TRPC6: variants seen among roughly 807,000 people sequenced by gnomAD.
TRPC6 encodes the protein transient receptor potential cation channel subfamily C member 6.
Under a neutral mutation model 90.7 loss-of-function variants are expected in TRPC6, and 55 were observed. The ratio of observed to expected loss-of-function variants is 0.61; its 90% CI spans 0.49 to 0.76. TRPC6 has a LOEUF of 0.76. TRPC6 is among the 30% of genes least tolerant of loss of function. The probability of loss-of-function intolerance (pLI) is 0.00; values close to 1 mark genes in which losing one functional copy is unlikely to be tolerated. For synonymous variants in TRPC6, 393 were observed against 393.0 expected (o/e 1.00, Z 0.00); for missense variants, 989 against 1,122.7 (o/e 0.88, Z 1.70).
At chr11:101,515,715 C>G (rs1306845631) in intron 1 of TRPC6, among the ~76,000 whole-genome samples, 1 of 152,076 alleles carries the variant, frequency 6.6e-6, no homozygotes, top group Non-Finnish European at 1.5e-5. Context: ...ATGTACTTAT[C>G]CACCCTAAGT....
chr11:101,454,264 G>A (rs1206750029), intron 11 of TRPC6, among the ~76,000 whole-genome samples: 1 of 152,104 alleles, frequency 6.6e-6, no homozygotes, highest in Non-Finnish European at 1.5e-5. Flanking sequence ...AAAAGAAGGA[G>A]TCTTAGTGGG....
At chr11:101,550,350 C>G (rs1156693140) in intron 1 of TRPC6, among the ~76,000 whole-genome samples, 2 of 151,414 alleles carry the variant, frequency 1.3e-5, no homozygotes, top group Non-Finnish European at 3.0e-5. Flanking sequence ...AGGATATAAG[C>G]TATGGATGTA....
intron 1 of TRPC6, among the ~76,000 whole-genome samples, chr11:101,556,568 TA>T (rs1424031437): frequency 6.6e-6 from 1 of 152,146 alleles, no homozygotes; most frequent in African/African-American, 2.4e-5. Flanking sequence ...AACCAATAAT[TA>T]AAAGTCTTTC....
At chr11:101,546,359 ACCG>A (rs1861307825) in intron 1 of TRPC6, among the ~76,000 whole-genome samples, 1 of 65,608 alleles carries the variant, frequency 1.5e-5, no homozygotes, top group Non-Finnish European at 3.2e-5. Context: ...GGCGTGAGCC[ACCG>A]CACCCGGCCT....
intron 1 of TRPC6, among the ~76,000 whole-genome samples, chr11:101,576,387 TGGA>T (rs1347327526): frequency 6.6e-6 from 1 of 152,166 alleles, no homozygotes; most frequent in African/African-American, 2.4e-5. Flanking sequence ...CTGAATTAGG[TGGA>T]GAACAGTTAT....
chr11:101,552,217 G>A (rs1003272033), intron 1 of TRPC6, among the ~76,000 whole-genome samples: 2 of 152,030 alleles, frequency 1.3e-5, no homozygotes, highest in Non-Finnish European at 2.9e-5. Context: ...TGAAGCCAGG[G>A]CCATTCACTG....
At chr11:101,540,502 G>T (rs868674493) in intron 1 of TRPC6, among the ~76,000 whole-genome samples, 6 of 152,196 alleles carry the variant, frequency 3.9e-5, no homozygotes, top group South Asian at 2.1e-4. Flanking sequence ...CATCCTACAC[G>T]CTTGGAGTCT....
intron 10 of TRPC6, among the ~76,000 whole-genome samples, chr11:101,461,091 G>T (rs2136649388): frequency 6.6e-6 from 1 of 152,274 alleles, no homozygotes; most frequent in African/African-American, 2.4e-5. Flanking sequence ...TGTTAAAAAT[G>T]ATTGGGACCA....
intron 1 of TRPC6, among the ~76,000 whole-genome samples, chr11:101,514,080 A>G (rs1208770687): frequency 6.6e-6 from 1 of 152,202 alleles, no homozygotes; most frequent in Non-Finnish European, 1.5e-5. Context: ...AAATTGTGAA[A>G]TGCTTTTCTT....
chr11:101,485,413 TTAAAAA>T (rs1859656065), intron 4 of TRPC6, among the ~76,000 whole-genome samples: 1 of 152,240 alleles, frequency 6.6e-6, no homozygotes, highest in East Asian at 1.9e-4. Flanking sequence ...ATATAAATAG[TTAAAAA>T]TAAACATCAA....
chr11:101,455,387 T>C (rs1282846895), intron 10 of TRPC6: 6 of 344,122 alleles, frequency 1.7e-5, no homozygotes, highest in Non-Finnish European at 2.7e-5. Flanking sequence ...TTCTCACAGA[T>C]GAATGCATGG....
chr11:101,557,653 T>C (rs1861590783), intron 1 of TRPC6, among the ~76,000 whole-genome samples: 1 of 151,774 alleles, frequency 6.6e-6, no homozygotes, highest in South Asian at 2.1e-4. Flanking sequence ...TTATAACAAA[T>C]GAATACAGTA....
intron 9 of TRPC6, among the ~76,000 whole-genome samples, 199 bp downstream of exon 9, chr11:101,470,984 A>G (rs1264704750): frequency 6.6e-6 from 1 of 151,992 alleles, no homozygotes; most frequent in African/African-American, 2.4e-5. Context: ...AATTTTTCTT[A>G]CATTCTTTTA....
At chr11:101,564,289 ATGAG>A (rs1234714389) in intron 1 of TRPC6, among the ~76,000 whole-genome samples, 1 of 152,178 alleles carries the variant, frequency 6.6e-6, no homozygotes, top group Non-Finnish European at 1.5e-5. Flanking sequence ...GTTGATATAA[ATGAG>A]TATGATTGAT....
chr11:101,560,993 A>AAAATAAGC, intron 1 of TRPC6, among the ~76,000 whole-genome samples: 1 of 152,304 alleles, frequency 6.6e-6, no homozygotes, highest in Non-Finnish European at 1.5e-5. Flanking sequence ...ATTCCAGTTT[A>AAAATAAGC]ATACCATGTC....
chr11:101,456,834 AATACCAAGTTTTGG>A, intron 10 of TRPC6, among the ~76,000 whole-genome samples: 1 of 152,212 alleles, frequency 6.6e-6, no homozygotes, highest in East Asian at 1.9e-4. Flanking sequence ...CTAAGTATTA[AATACCAAGTTTTGG>A]ATGCATATAT....
intron 1 of TRPC6, among the ~76,000 whole-genome samples, chr11:101,518,653 T>G (rs1435553532): frequency 2.0e-5 from 3 of 152,116 alleles, no homozygotes; most frequent in Admixed American, 6.5e-5. Flanking sequence ...AACTAAAAAT[T>G]GAGCTGCCAT....
intron 10 of TRPC6, 23 bp downstream of exon 10, chr11:101,469,404 C>G (rs1468478765): frequency 2.6e-6 from 2 of 759,768 alleles, no homozygotes; most frequent in African/African-American, 3.4e-5. Flanking sequence ...TGCATGACTT[C>G]ATATTTTCAA....
At chr11:101,478,090 A>AT (rs1193116575) in intron 5 of TRPC6, among the ~76,000 whole-genome samples, 4 of 152,086 alleles carry the variant, frequency 2.6e-5, no homozygotes, top group Admixed American at 6.5e-5. Flanking sequence ...AAATTCTCAC[A>AT]TTTGTCCTAA....
Sources: gnomAD v4.1 joint callset for allele counts (sites outside exome capture counted in the v4.1 genomes callset) on GRCh38, gnomAD v4.1.1 for gene constraint, MANE v1.5 for transcripts, NCBI Gene and HGNC (gene_info 2026-07-23, HGNC 2026-07-21) for gene names.